Variants in VWDE observed in about 807,000 individuals in gnomAD.
VWDE encodes the protein von Willebrand factor D and EGF domains, also known as von Willebrand factor D and EGF domain-containing protein.
A neutral mutation model predicts 178.4 loss-of-function variants in VWDE; 207 were observed. The ratio of observed to expected loss-of-function variants is 1.16; its 90% confidence interval spans 1.04 to 1.30. The LOEUF (loss-of-function observed/expected upper bound fraction) is 1.30, where lower values mean the gene tolerates loss of function less well. Among genes scored for constraint, VWDE ranks in the 50% most tolerant of loss-of-function variants. VWDE has a pLI of 0.00. For synonymous variants in VWDE, 738 were observed against 651.4 expected (o/e 1.13, Z -2.02); for missense variants, 2,287 against 1,901.3 (o/e 1.20, Z -3.77).
Position 12,380,729 on chromosome 7 carries a change from C to T in VWDE, c.546G>A (p.Gln182=), listed in dbSNP as rs912843297. 3.2e-6 allele frequency: 5 copies of T among 1,551,520 alleles called. No homozygotes were observed. The highest frequency in any genetic ancestry group is 1.4e-5 in the African/African-American group (1 of 73,138). ...GTGGAGGTGGCAATGAGGCAGCCAG[C>T]TGACCTGGGGAGAAAATGCATAATT... is the stretch of plus-strand genomic sequence containing the variant. ...ETETGGDCVR[Q]LAASLPPPPA... The change falls in exon 5 of 29, where the codon CAG becomes CAA. Residue 182 remains glutamine, a synonymous_variant. Transcript: ENST00000275358.
At chr7:12,344,827 G>C (rs73294387) in intron 19 of VWDE, among the ~76,000 whole-genome samples, 2,372 of 152,216 alleles carry the variant, frequency 0.016, 54 homozygotes, top group African/African-American at 0.054. Context: ...AATCTCGAAA[G>C]AGTTGGAAAG....
intron 5 of VWDE, 141 bp downstream of exon 5, chr7:12,380,345 G>T: frequency 2.7e-6 from 3 of 1,097,788 alleles, no homozygotes; most frequent in Non-Finnish European, 3.7e-6. Flanking sequence ...TAGCACAATT[G>T]CAAGGAAAAA....
In VWDE at chr7:12,389,196, T is replaced by A; in HGVS notation, c.406A>T (p.Arg136Ter). Residue 136 changes from arginine (R) to a stop codon, truncating the protein, a stop_gained, in exon 3 of 29, where the codon AGA becomes TGA. Coordinates refer to ENST00000275358, the MANE Select transcript of VWDE (RefSeq NM_001135924.3). LOFTEE classifies it high-confidence loss of function. ...CCLFQIPVSV[R>*]NCGNFSVYLL... ...TATACAGAAAAGTTCCCACAGTTTC[T>A]TACAGACACTGGGATTTGAAAGAGA... 1 of 1,551,922 alleles carries A rather than the reference T, an allele frequency of 6.4e-7. No individual in the cohort carries two copies. The highest frequency in any genetic ancestry group is 8.7e-7 in the Non-Finnish European group (1 of 1,147,038).
intron 18 of VWDE, among the ~76,000 whole-genome samples, chr7:12,355,055 T>C (rs534654229): frequency 1.3e-5 from 2 of 152,240 alleles, no homozygotes; most frequent in Non-Finnish European, 2.9e-5. Flanking sequence ...CAATCAACAT[T>C]TGAATTCTTT....
At chr7:12,361,730 G>T (rs1782593494) in intron 13 of VWDE, among the ~76,000 whole-genome samples, 1 of 152,060 alleles carries the variant, frequency 6.6e-6, no homozygotes, top group Non-Finnish European at 1.5e-5. Flanking sequence ...TGCTCCCAAT[G>T]AATCATGCAT....
chr7:12,355,043 G>C (rs752665972), intron 18 of VWDE, among the ~76,000 whole-genome samples: 4 of 152,054 alleles, frequency 2.6e-5, no homozygotes, highest in Non-Finnish European at 4.4e-5. Context: ...AAATTTATGA[G>C]GCAATCAACA....
intron 22 of VWDE, among the ~76,000 whole-genome samples, chr7:12,342,459 A>G (rs915547169): frequency 6.6e-6 from 1 of 152,104 alleles, no homozygotes; most frequent in African/African-American, 2.4e-5. Flanking sequence ...ATAAATTTAA[A>G]AAGAAATTTA....
rs375947359 is a variant in VWDE, at chr7:12,367,498, G to C, written c.2762-5C>G. 1 of 1,469,998 alleles carries C rather than the reference G, an allele frequency of 6.8e-7. No individual in the cohort carries two copies. Among genetic ancestry groups the C allele is most frequent in the East Asian group, 2.7e-5 (1 of 37,710 alleles). 91.1% of individuals were successfully genotyped at this position (1,469,998 alleles called of 1,614,324 possible). ...CTGTAATTTCAGGAGCTTTGTCTTT[G>C]GAAAAAAAATATAACAAATACTACA... is the stretch of plus-strand genomic sequence containing the variant. On this transcript the variant is annotated splice_polypyrimidine_tract_variant and splice_region_variant and intron_variant, in intron 12 of 28. Transcript: ENST00000275358.
intron 22 of VWDE, 43 bp from the exon 23 acceptor site, chr7:12,342,197 G>A (rs1781372900): frequency 6.7e-7 from 1 of 1,503,564 alleles, no homozygotes; most frequent in South Asian, 1.2e-5. Context: ...TAGGCTTGGA[G>A]TAGTCATATT....
At chr7:12,374,501 T>A (rs1459389579) in intron 9 of VWDE, among the ~76,000 whole-genome samples, 188 bp downstream of exon 9, 1 of 152,102 alleles carries the variant, frequency 6.6e-6, no homozygotes, top group Non-Finnish European at 1.5e-5. Flanking sequence ...TGTTTTTTAC[T>A]AAGAATTAGA....
rs1156236702 is a variant in VWDE, at chr7:12,369,732, T to C, written c.2574A>G (p.Leu858=). ...CAATCCTCTTTTCACATTCATTTTCTAAAAGGGCCACACCTGCTTCTGCCC... is the reference window on the plus strand; with the variant it reads ...CAATCCTCTTTTCACATTCATTTTCCAAAAGGGCCACACCTGCTTCTGCCC... The part of the protein sequence containing the change: ...LSWAEAGVAL[L]ENECEKRIVE... The change falls in exon 12 of 29, where the codon TTA becomes TTG. Residue 858 remains leucine, a synonymous_variant. Transcript: ENST00000275358. 41 of 1,551,522 alleles carry C rather than the reference T, an allele frequency of 2.6e-5. No individual in the cohort carries two copies. Among genetic ancestry groups the C allele is most frequent in the Non-Finnish European group, 3.3e-5 (38 of 1,146,902 alleles).
At chr7:12,349,291 A>T (rs1485202445) in intron 19 of VWDE, among the ~76,000 whole-genome samples, 1 of 150,794 alleles carries the variant, frequency 6.6e-6, no homozygotes, top group Non-Finnish European at 1.5e-5. Flanking sequence ...AATGTGACTT[A>T]TCTTATAAAT....
Position 12,377,752 on chromosome 7 carries a change from GATAAA to G in VWDE, c.1024+19_1024+23del. 2 of 1,363,382 alleles carry G rather than the reference GATAAA, an allele frequency of 1.5e-6. No homozygotes were observed. The highest frequency in any genetic ancestry group is 5.3e-5 in the East Asian group (2 of 37,470). 84.5% of individuals were successfully genotyped at this position (1,363,382 alleles called of 1,614,324 possible). ...ATTATTGTTTGCAATCTAATAATAA[GATAAA>G]ATAAAGTTAGTATATTACCTTGACC... is the stretch of plus-strand genomic sequence containing the variant. On this transcript the variant is annotated intron_variant, in intron 7 of 28. Coordinates refer to ENST00000275358, the MANE Select transcript of VWDE (RefSeq NM_001135924.3).
chr7:12,340,417 G>C lies in VWDE; in HGVS notation c.4271C>G (p.Ala1424Gly), dbSNP rs980890625. 1.3e-6 allele frequency: 2 copies of C among 1,547,732 alleles called. No individual in the cohort carries two copies. Among genetic ancestry groups the C allele is most frequent in the African/African-American group, 2.7e-5 (2 of 72,846 alleles). ...ATTGAGGCAGACAGGGTCGCACAAA[G>C]CTAATAAACAGCAGGAGGAAAAGAG... ...PGWYGPTCST[A>G]LCDPVCLNGG... Residue 1424 changes from alanine to glycine, a missense_variant and splice_region_variant, in exon 24 of 29, where the codon GCT becomes GGT. Coordinates refer to ENST00000275358, the MANE Select transcript of VWDE (RefSeq NM_001135924.3).
intron 21 of VWDE, among the ~76,000 whole-genome samples, chr7:12,343,861 T>C (rs1562466023): frequency 6.6e-6 from 1 of 152,172 alleles, no homozygotes. Flanking sequence ...GAACCATATT[T>C]GGTAGATCAT....
intron 1 of VWDE, among the ~76,000 whole-genome samples, chr7:12,397,887 T>C (rs1355180021): frequency 6.6e-6 from 1 of 152,060 alleles, no homozygotes; most frequent in African/African-American, 2.4e-5. Context: ...TCCGAATCAC[T>C]ATTATTAAAA....
chr7:12,393,390 G>A (rs371610915), intron 2 of VWDE, among the ~76,000 whole-genome samples: 2 of 152,142 alleles, frequency 1.3e-5, no homozygotes, highest in African/African-American at 2.4e-5. Flanking sequence ...GTCGGTGAAA[G>A]TGTTTCTGGA....
At position 12,344,280 on chromosome 7, in the gene VWDE, G is replaced by A. The variant is rs61732210; in HGVS notation, c.3993C>T (p.Asp1331=). 4,501 of 1,550,896 alleles carry A rather than the reference G, an allele frequency of 2.9e-3. 109 individuals carry two copies. The African/African-American group carries it at 0.055, about 19-fold the overall frequency. Residue 1331 remains aspartate, a synonymous_variant, in exon 21 of 29, where the codon GAC becomes GAT. Coordinates refer to ENST00000275358, the MANE Select transcript of VWDE (RefSeq NM_001135924.3). ...IGSNCQTALC[D]PDCKNHGKCI... The stretch of plus-strand genomic sequence containing the variant: ...ATTTTCCATGGTTTTTGCAATCAGG[G>A]TCACAAAGAGCTGTATAAAATAAAG...
At chr7:12,366,078 C>T (rs537498685) in intron 13 of VWDE, among the ~76,000 whole-genome samples, 31 of 152,160 alleles carry the variant, frequency 2.0e-4, no homozygotes, top group Non-Finnish European at 4.4e-4. Context: ...TCACCTGCCA[C>T]CTTGTGAAGA....
Sources: allele counts gnomAD v4.1 joint callset (sites outside exome capture counted in the v4.1 genomes callset), GRCh38; gene constraint gnomAD v4.1.1; transcripts MANE v1.5; gene names NCBI Gene and HGNC (gene_info 2026-07-23, HGNC 2026-07-21).